Variants in GRB10 observed in about 807,000 individuals in gnomAD.
GRB10 encodes growth factor receptor bound protein 10, also known as growth factor receptor-bound protein 10.
In GRB10, 20 loss-of-function variants were observed where a neutral mutation model predicts 80.9. The observed-to-expected ratio is 0.25, with a 90% CI of 0.17 to 0.36. The LOEUF (loss-of-function observed/expected upper bound fraction) is 0.36. Ranked by LOEUF, GRB10 falls within the 10% of genes least tolerant of loss-of-function variation. The pLI, the probability that GRB10 is intolerant of heterozygous loss-of-function variation, is 1.00. For synonymous variants in GRB10, 291 were observed against 291.5 expected (o/e 1.00, Z 0.02); for missense variants, 548 against 747.7 (o/e 0.73, Z 3.12).
At chr7:50,602,363 G>A (rs1041563519) in intron 17 of GRB10, among the ~76,000 whole-genome samples, 1 of 152,090 alleles carries the variant, frequency 6.6e-6, no homozygotes, top group Non-Finnish European at 1.5e-5. Flanking sequence ...CTGCTCACCC[G>A]ACACCACTAA....
intron 3 of GRB10, among the ~76,000 whole-genome samples, chr7:50,748,659 G>T (rs576662332): frequency 6.6e-6 from 1 of 152,182 alleles, no homozygotes; most frequent in Admixed American, 6.5e-5. Context: ...CTGAGGAGGA[G>T]CCTGGAGTTC....
At chr7:50,781,624 C>G (rs1354178224) in intron 1 of GRB10, 1 of 152,326 alleles carries the variant, frequency 6.6e-6, no homozygotes, top group African/African-American at 2.4e-5. Flanking sequence ...CCATAGCCAC[C>G]TGTGTGCCGG....
At chr7:50,787,572 C>T (rs546741998), upstream of GRB10, among the ~76,000 whole-genome samples, 233 of 151,950 alleles carry the variant, frequency 1.5e-3, no homozygotes, top group African/African-American at 5.4e-3. Context: ...TGGGCAGGGA[C>T]GGTGGGTCAG....
In GRB10 at chr7:50,649,538, C is replaced by A. The variant is rs117852884; in HGVS notation, c.504+20184G>T. Among the ~76,000 whole-genome samples the A allele has an allele frequency of 2.1e-3, 324 of 152,342 alleles. 1 individual carries two copies. The highest frequency in any genetic ancestry group is 3.7e-3 in the Admixed American group (56 of 15,296). The stretch of plus-strand genomic sequence containing the variant: ...AGGGAATGGAGAACGGGACTGTACA[C>A]CCCACAGGGGAGAGCTTGGATTTAA... On this transcript the variant is annotated intron_variant, in intron 7 of 18. Transcript: ENST00000401949.
At chr7:50,622,995 T>A (rs988557613) in intron 8 of GRB10, among the ~76,000 whole-genome samples, 4 of 152,206 alleles carry the variant, frequency 2.6e-5, no homozygotes, top group African/African-American at 9.7e-5. Flanking sequence ...ACTTGATATG[T>A]CTGCAGGCTG....
intron 7 of GRB10, among the ~76,000 whole-genome samples, chr7:50,652,416 C>T (rs1183378409): frequency 6.6e-6 from 1 of 152,180 alleles, no homozygotes; most frequent in African/African-American, 2.4e-5. Context: ...TCTATAGAAG[C>T]AACCTGTCCT....
chr7:50,744,415 G>A (rs1368833835), intron 3 of GRB10, among the ~76,000 whole-genome samples: 1 of 152,174 alleles, frequency 6.6e-6, no homozygotes, highest in African/African-American at 2.4e-5. Context: ...CAAGGTAGGA[G>A]TTGGAGCACG....
intron 5 of GRB10, among the ~76,000 whole-genome samples, chr7:50,683,673 A>G (rs1025355076): frequency 1.3e-5 from 2 of 152,140 alleles, no homozygotes; most frequent in Non-Finnish European, 2.9e-5. Context: ...GGAGGTGGAC[A>G]TTGCAGTGAG....
At chr7:50,754,223 C>T (rs2074666410) in intron 3 of GRB10, among the ~76,000 whole-genome samples, 2 of 152,302 alleles carry the variant, frequency 1.3e-5, no homozygotes, top group Non-Finnish European at 2.9e-5. Flanking sequence ...CCCAGCTGCC[C>T]TAGAGCCCTG....
chr7:50,608,028 C>T (rs933878715), intron 13 of GRB10, among the ~76,000 whole-genome samples: 3 of 152,128 alleles, frequency 2.0e-5, no homozygotes, highest in Admixed American at 6.6e-5. Flanking sequence ...AATACAGGAA[C>T]GACTGCACTC....
intron 3 of GRB10, among the ~76,000 whole-genome samples, chr7:50,733,447 T>A (rs530081407): frequency 1.3e-5 from 2 of 152,296 alleles, no homozygotes; most frequent in Admixed American, 6.5e-5. Flanking sequence ...AACAGAAGCA[T>A]CCCAGATCTG....
At chr7:50,664,046 G>A (rs946637725) in intron 7 of GRB10, among the ~76,000 whole-genome samples, 1 of 152,202 alleles carries the variant, frequency 6.6e-6, no homozygotes, top group Non-Finnish European at 1.5e-5. Context: ...CCATGCTCCT[G>A]CTGGCCATGC....
intron 13 of GRB10, among the ~76,000 whole-genome samples, chr7:50,609,765 C>T (rs1353281214): frequency 6.6e-6 from 1 of 152,164 alleles, no homozygotes; most frequent in Non-Finnish European, 1.5e-5. Context: ...AGTTTTAATA[C>T]TATTCACACA....
intron 17 of GRB10, among the ~76,000 whole-genome samples, chr7:50,603,036 T>C (rs1291238205): frequency 6.6e-6 from 1 of 152,210 alleles, no homozygotes; most frequent in Non-Finnish European, 1.5e-5. Context: ...TACACTTATG[T>C]AAATGTGAAA....
intron 4 of GRB10, among the ~76,000 whole-genome samples, chr7:50,725,763 T>C (rs1027368043): frequency 6.6e-6 from 1 of 152,226 alleles, no homozygotes; most frequent in African/African-American, 2.4e-5. Context: ...TGATTAGATA[T>C]GTCCTTCTAA....
At chr7:50,701,541 C>T (rs2064225437) in intron 5 of GRB10, among the ~76,000 whole-genome samples, 2 of 152,160 alleles carry the variant, frequency 1.3e-5, no homozygotes, top group South Asian at 2.1e-4. Flanking sequence ...CAGTGAGCTA[C>T]GAGCTGCTCT....
chr7:50,673,852 A>G (rs2060614377), intron 6 of GRB10, among the ~76,000 whole-genome samples: 1 of 152,042 alleles, frequency 6.6e-6, no homozygotes, highest in African/African-American at 2.4e-5. Flanking sequence ...CTCTGCCTCC[A>G]TCTATCTGAG....
intron 4 of GRB10, among the ~76,000 whole-genome samples, chr7:50,726,688 G>A (rs2068708827): frequency 6.6e-6 from 1 of 152,192 alleles, no homozygotes; most frequent in South Asian, 2.1e-4. Context: ...GACACATTTA[G>A]GGACAATACA....
At chr7:50,658,234 G>C (rs2058849919) in intron 7 of GRB10, among the ~76,000 whole-genome samples, 1 of 152,218 alleles carries the variant, frequency 6.6e-6, no homozygotes, top group African/African-American at 2.4e-5. Context: ...TTCTCCAGTG[G>C]GTGAACTGTG....
Sources: allele counts gnomAD v4.1 joint callset (sites outside exome capture counted in the v4.1 genomes callset), GRCh38; gene constraint gnomAD v4.1.1; transcripts MANE v1.5; gene names NCBI Gene and HGNC (gene_info 2026-07-23, HGNC 2026-07-21).